Variants in PAM observed in about 807,000 individuals in gnomAD.
PAM encodes the protein peptidylglycine alpha-amidating monooxygenase, also known as peptidyl-glycine alpha-amidating monooxygenase.
A neutral mutation model predicts 122.1 loss-of-function variants in PAM; 72 were observed. The ratio of observed to expected loss-of-function variants is 0.59; its 90% confidence interval spans 0.49 to 0.72. The LOEUF (loss-of-function observed/expected upper bound fraction) is 0.72, where lower values mean the gene tolerates loss of function less well. Ranked by LOEUF, PAM falls within the 30% of genes least tolerant of loss-of-function variation. PAM has a pLI of 0.00. For missense variants in PAM, 1,106 were observed against 1,183.7 expected, an observed-to-expected ratio of 0.93 and a Z score of 0.96; for synonymous variants, 389 against 404.4, an observed-to-expected ratio of 0.96 and a Z score of 0.46.
intron 5 of PAM, among the ~76,000 whole-genome samples, chr5:102,915,151 A>G (rs1294411784): frequency 6.6e-6 from 1 of 152,096 alleles, no homozygotes; most frequent in Non-Finnish European, 1.5e-5. Context: ...TAATAGTCCG[A>G]AATGACTGGT....
chr5:103,002,388 A>T (rs568299689), intron 16 of PAM, among the ~76,000 whole-genome samples: 1 of 152,286 alleles, frequency 6.6e-6, no homozygotes, highest in East Asian at 1.9e-4. Context: ...TAATTATTGC[A>T]TAGTTGTTCA....
rs574992787 is a variant in PAM at position 103,007,223 on chromosome 5, G to A, written c.2014+212G>A. Among the ~76,000 whole-genome samples, 142 of 105,740 alleles carry A rather than the reference G, an allele frequency of 1.3e-3. 1 individual carries two copies. Among genetic ancestry groups the A allele is most frequent in the African/African-American group, 6.3e-3 (136 of 21,626 alleles). 69.4% of individuals were successfully genotyped at this position (105,740 alleles called of 152,430 possible). A position where few individuals can be genotyped will look rare whatever the true frequency, so the allele number is the denominator to read the frequency against. ...CACACACACACACACACACACACAC[G>A]TCTTGTAAGGAAAATAATGTATCCA... On this transcript the variant is annotated intron_variant, in intron 19 of 25. Coordinates refer to ENST00000438793, the MANE Select transcript of PAM (RefSeq NM_001177306.2).
chr5:102,803,400 TA>T (rs1382947080), intron 1 of PAM, among the ~76,000 whole-genome samples: 1 of 151,896 alleles, frequency 6.6e-6, no homozygotes, highest in Non-Finnish European at 1.5e-5. Context: ...ATGAGGTGAG[TA>T]ATGATGCCAT....
At position 103,007,581 on chromosome 5, in the gene PAM, T is replaced by C. The variant is rs1228488448; in HGVS notation, c.2139T>C (p.Thr713=). The C allele has an allele frequency of 5.0e-6, 8 of 1,613,912 alleles. No individual in the cohort carries two copies. The highest frequency in any genetic ancestry group is 6.8e-6 in the Non-Finnish European group (8 of 1,179,852). Reference sequence around the variant, plus strand: ...ATGGTCGGATCCAGTGTTTTAAAACTGACACCAAAGAATTTGTGAGAGAGA... The same window carrying C: ...ATGGTCGGATCCAGTGTTTTAAAACCGACACCAAAGAATTTGTGAGAGAGA... The part of the protein sequence containing the change: ...RENGRIQCFK[T]DTKEFVREIK... Residue 713 remains threonine, a synonymous_variant, in exon 20 of 26, where the codon ACT becomes ACC. Transcript: ENST00000438793.
chr5:102,757,670 G>T (rs895786554), intron 1 of PAM, among the ~76,000 whole-genome samples: 2 of 152,166 alleles, frequency 1.3e-5, no homozygotes, highest in African/African-American at 4.8e-5. Context: ...GAGATTTAAT[G>T]TAAGATTTTT....
chr5:102,900,271 G>GGGGGGGGGGGGGGGGA (rs1797418111), intron 3 of PAM, among the ~76,000 whole-genome samples: 1 of 100,442 alleles, frequency 1.0e-5, no homozygotes, highest in African/African-American at 4.4e-5. Context: ...GGGGCGGGGG[G>GGGGGGGGGGGGGGGGA]AAGAGGGTAG....
At chr5:102,881,917 T>C (rs1310739579) in intron 3 of PAM, among the ~76,000 whole-genome samples, 1 of 150,762 alleles carries the variant, frequency 6.6e-6, no homozygotes, top group East Asian at 2.0e-4. Context: ...TCCCAACTTA[T>C]GAGTGAGAAC....
intron 16 of PAM, among the ~76,000 whole-genome samples, chr5:103,001,097 G>T (rs1777251102): frequency 6.6e-6 from 1 of 152,076 alleles, no homozygotes. Flanking sequence ...GAATGTGAAG[G>T]TTACAATATA....
At chr5:102,848,598 T>C (rs988435700) in intron 1 of PAM, among the ~76,000 whole-genome samples, 7 of 152,138 alleles carry the variant, frequency 4.6e-5, no homozygotes, top group Admixed American at 3.9e-4. Context: ...CATCAGACTT[T>C]TTAGGGAGGT....
chr5:102,979,913 AATTT>A (rs1255522775), intron 15 of PAM, among the ~76,000 whole-genome samples: 3 of 152,016 alleles, frequency 2.0e-5, no homozygotes, highest in Non-Finnish European at 2.9e-5. Context: ...AGAATAATAT[AATTT>A]ATTTATCATA....
At chr5:102,832,891 T>G (rs1401160765) in intron 1 of PAM, among the ~76,000 whole-genome samples, 1 of 152,186 alleles carries the variant, frequency 6.6e-6, no homozygotes, top group African/African-American at 2.4e-5. Context: ...TTGAAATCTT[T>G]TCTTAGAGAC....
intron 7 of PAM, among the ~76,000 whole-genome samples, chr5:102,932,295 C>G (rs1381143001): frequency 6.6e-6 from 1 of 152,058 alleles, no homozygotes; most frequent in African/African-American, 2.4e-5. Context: ...CAAGACCAGC[C>G]TGGCCAACAT....
At chr5:102,759,199 G>C (rs200185943) in intron 1 of PAM, among the ~76,000 whole-genome samples, 2 of 151,998 alleles carry the variant, frequency 1.3e-5, no homozygotes, top group East Asian at 3.9e-4. Context: ...AGGATAGCAG[G>C]GTCCTGGGTA....
chr5:103,020,966 T>C (rs1226989679), intron 23 of PAM, among the ~76,000 whole-genome samples: 2 of 152,204 alleles, frequency 1.3e-5, no homozygotes, highest in Non-Finnish European at 2.9e-5. Context: ...CCCCTAGTTT[T>C]ATGTCTTTGC....
At chr5:102,896,069 C>A (rs560341064) in intron 3 of PAM, 1 of 151,824 alleles carries the variant, frequency 6.6e-6, no homozygotes, top group South Asian at 2.1e-4. Flanking sequence ...CCACCGCTAT[C>A]GCCACCCTGT....
chr5:102,950,909 A>G, intron 12 of PAM, 89 bp downstream of exon 12: 1 of 793,768 alleles, frequency 1.3e-6, no homozygotes, highest in Admixed American at 2.3e-5. Flanking sequence ...AATAAATTGT[A>G]CATTTTTTGT....
intron 5 of PAM, among the ~76,000 whole-genome samples, chr5:102,924,542 T>C (rs1302847284): frequency 6.6e-6 from 1 of 152,164 alleles, no homozygotes; most frequent in East Asian, 1.9e-4. Flanking sequence ...GCCAGATTTG[T>C]TGACAACAGT....
At chr5:102,818,636 A>G (rs1235896132) in intron 1 of PAM, among the ~76,000 whole-genome samples, 1 of 152,112 alleles carries the variant, frequency 6.6e-6, no homozygotes, top group Non-Finnish European at 1.5e-5. Context: ...TGTTCCAGAG[A>G]AAGCCTACTT....
intron 1 of PAM, among the ~76,000 whole-genome samples, chr5:102,843,657 A>C (rs1249555949): frequency 6.6e-6 from 1 of 152,192 alleles, no homozygotes; most frequent in Non-Finnish European, 1.5e-5. Context: ...CTCAGAATTC[A>C]ACAGTAAAAA....
Sources: gnomAD v4.1 joint callset for allele counts (sites outside exome capture counted in the v4.1 genomes callset) on GRCh38, gnomAD v4.1.1 for gene constraint, MANE v1.5 for transcripts, NCBI Gene and HGNC (gene_info 2026-07-23, HGNC 2026-07-21) for gene names.